Variants in SYNPO2 observed in about 807,000 individuals in gnomAD.
SYNPO2 encodes the protein synaptopodin 2.
Under a neutral mutation model 85.0 loss-of-function variants are expected in SYNPO2, and 56 were observed. The ratio of observed to expected loss-of-function variants is 0.66; its 90% confidence interval spans 0.53 to 0.82. The LOEUF is 0.82. Among genes scored for constraint, SYNPO2 ranks in the 40% least tolerant of loss-of-function variants. SYNPO2 has a pLI of 0.00. For synonymous variants in SYNPO2, 602 were observed against 591.1 expected (o/e 1.02, Z -0.27); for missense variants, 1,575 against 1,534.2 (o/e 1.03, Z -0.44).
At chr4:118,868,419 T>A (rs1422504357) in intron 1 of SYNPO2, among the ~76,000 whole-genome samples, 1 of 152,166 alleles carries the variant, frequency 6.6e-6, no homozygotes, top group African/African-American at 2.4e-5. Context: ...TTTCAAAAAA[T>A]TTTTACTTTT....
At chr4:118,880,332 A>G (rs569444356) in intron 1 of SYNPO2, among the ~76,000 whole-genome samples, 3 of 152,200 alleles carry the variant, frequency 2.0e-5, no homozygotes, top group African/African-American at 4.8e-5. Context: ...CCAAGTTCAT[A>G]TGTTGAAGAC....
In SYNPO2 at chr4:118,907,092, G is replaced by A. The variant is rs182915949; in HGVS notation, c.105+17951G>A. Among the ~76,000 whole-genome samples the A allele has an allele frequency of 4.3e-3, 657 of 152,180 alleles. 7 individuals carry two copies. Among genetic ancestry groups the A allele is most frequent in the African/African-American group, 0.015 (611 of 41,500 alleles). On this transcript the variant is annotated intron_variant, in intron 1 of 4. Coordinates refer to ENST00000307142, the MANE Select transcript of SYNPO2 (RefSeq NM_133477.3). ...AGCCTTCCGAAGTGCTGGATTACAG[G>A]TGTGAGACACTGAGCCTGGCCCTTT...
chr4:118,881,816 C>G (rs532349963), intron 1 of SYNPO2, among the ~76,000 whole-genome samples: 2 of 152,334 alleles, frequency 1.3e-5, no homozygotes, highest in East Asian at 3.9e-4. Flanking sequence ...GAGCACCACC[C>G]CACCTGCTCA....
At chr4:119,021,855 A>T (rs1737736251) in intron 1 of SYNPO2, among the ~76,000 whole-genome samples, 1 of 152,176 alleles carries the variant, frequency 6.6e-6, no homozygotes, top group Non-Finnish European at 1.5e-5. Context: ...TCTAGACTGA[A>T]GAACAGAGCC....
At chr4:119,011,794 A>G (rs1737312378) in intron 1 of SYNPO2, among the ~76,000 whole-genome samples, 1 of 152,198 alleles carries the variant, frequency 6.6e-6, no homozygotes, top group East Asian at 1.9e-4. Context: ...TTGTGTTGCA[A>G]TCTTAGCTCT....
chr4:119,056,885 A>T (rs1739224497), intron 4 of SYNPO2, among the ~76,000 whole-genome samples: 1 of 152,348 alleles, frequency 6.6e-6, no homozygotes, highest in African/African-American at 2.4e-5. Flanking sequence ...CTAGACCAAC[A>T]TTAGATAACA....
intron 4 of SYNPO2, chr4:119,032,741 C>T (rs1034042647): frequency 1.4e-5 from 13 of 909,224 alleles, no homozygotes; most frequent in African/African-American, 3.6e-5. Context: ...TAAATGGGGC[C>T]GGGTATGGTG....
intron 1 of SYNPO2, among the ~76,000 whole-genome samples, chr4:118,870,237 A>G (rs991247340): frequency 7.9e-5 from 12 of 152,358 alleles, no homozygotes; most frequent in Admixed American, 2.0e-4. Flanking sequence ...CTAGCCCACA[A>G]GGAAAAGTCA....
chr4:118,979,838 G>C (rs1003294679), intron 1 of SYNPO2, among the ~76,000 whole-genome samples: 1 of 152,182 alleles, frequency 6.6e-6, no homozygotes, highest in Admixed American at 6.5e-5. Flanking sequence ...AACACTAGGA[G>C]GTCAGGAAGT....
intron 1 of SYNPO2, among the ~76,000 whole-genome samples, chr4:118,922,411 C>T (rs1471569749): frequency 6.6e-6 from 1 of 152,006 alleles, no homozygotes; most frequent in African/African-American, 2.4e-5. Flanking sequence ...GTAGATGATT[C>T]CTTTTGGAAG....
At chr4:119,042,285 AC>A (rs1738741855) in intron 4 of SYNPO2, 1 of 152,064 alleles carries the variant, frequency 6.6e-6, no homozygotes, top group South Asian at 2.1e-4. Context: ...TTTTTATCTG[AC>A]CCCCTGCTTC....
chr4:118,891,450 C>T (rs1049690384), intron 1 of SYNPO2, among the ~76,000 whole-genome samples: 2 of 152,128 alleles, frequency 1.3e-5, no homozygotes, highest in Non-Finnish European at 2.9e-5. Context: ...ATTACTGTGG[C>T]AATGCACAAT....
intron 1 of SYNPO2, among the ~76,000 whole-genome samples, chr4:118,938,356 G>A (rs7672453): frequency 0.75 from 113,577 of 151,220 alleles, 44,322 homozygotes; most frequent in South Asian, 0.89. Flanking sequence ...ATATATATAT[G>A]TGTACATTAT....
chr4:118,900,701 C>CTA (rs1194269230), intron 1 of SYNPO2, among the ~76,000 whole-genome samples: 457 of 27,130 alleles, frequency 0.017, no homozygotes, highest in Non-Finnish European at 0.029. Flanking sequence ...CTCTCTCTCT[C>CTA]TCTATATATA....
At chr4:118,916,747 T>TC (rs1553937564) in intron 1 of SYNPO2, among the ~76,000 whole-genome samples, 1 of 148,280 alleles carries the variant, frequency 6.7e-6, no homozygotes, top group Non-Finnish European at 1.5e-5. Context: ...TTTTTTTTTT[T>TC]CTAGAAACAG....
At chr4:118,936,569 C>G (rs541813084) in intron 1 of SYNPO2, among the ~76,000 whole-genome samples, 2 of 152,288 alleles carry the variant, frequency 1.3e-5, no homozygotes, top group African/African-American at 4.8e-5. Flanking sequence ...TTAATGCTCT[C>G]CAGCAGCGTG....
chr4:118,872,013 G>T (rs1560808830), intron 1 of SYNPO2, among the ~76,000 whole-genome samples: 1 of 152,198 alleles, frequency 6.6e-6, no homozygotes, highest in African/African-American at 2.4e-5. Flanking sequence ...TTTGTATCAT[G>T]CTTTTGCCTT....
intron 1 of SYNPO2, among the ~76,000 whole-genome samples, chr4:118,942,321 A>G (rs1472066): frequency 0.11 from 16,323 of 152,216 alleles, 946 homozygotes; most frequent in East Asian, 0.15. Flanking sequence ...TTGAGAGCAG[A>G]CATCTGTCTA....
chr4:118,923,018 A>G (rs1733590309), intron 1 of SYNPO2, among the ~76,000 whole-genome samples: 1 of 152,172 alleles, frequency 6.6e-6, no homozygotes, highest in South Asian at 2.1e-4. Flanking sequence ...AATTCCATGG[A>G]TATCTATTAA....
Sources: gnomAD v4.1 joint callset for allele counts (sites outside exome capture counted in the v4.1 genomes callset) on GRCh38, gnomAD v4.1.1 for gene constraint, MANE v1.5 for transcripts, NCBI Gene and HGNC (gene_info 2026-07-23, HGNC 2026-07-21) for gene names.